ANKAR: variants seen among roughly 807,000 people sequenced by gnomAD.
The protein encoded by ANKAR is ankyrin and armadillo repeat-containing protein.
A neutral mutation model predicts 146.2 loss-of-function variants in ANKAR; 136 were observed. The ratio of observed to expected loss-of-function variants is 0.93; its 90% CI spans 0.81 to 1.07. The LOEUF is 1.07. ANKAR is among the 50% of genes least tolerant of loss of function. The pLI is 0.00. For synonymous variants in ANKAR, 500 were observed against 575.8 expected (o/e 0.87, Z 1.88); for missense variants, 1,567 against 1,679.9 (o/e 0.93, Z 1.18).
chr2:189,703,437 A>G (rs957659162), intron 7 of ANKAR, among the ~76,000 whole-genome samples: 2 of 152,154 alleles, frequency 1.3e-5, no homozygotes, highest in Non-Finnish European at 2.9e-5. Flanking sequence ...GGTCTGTACA[A>G]CTGGCTGGAT....
chr2:189,724,136 C>T (rs145477673), intron 12 of ANKAR, among the ~76,000 whole-genome samples: 269 of 152,242 alleles, frequency 1.8e-3, no homozygotes, highest in Middle Eastern at 3.4e-3. Context: ...TTATTCTTAA[C>T]ATTTCTGAGT....
chr2:189,702,741 A>G (rs1370866421), intron 7 of ANKAR, among the ~76,000 whole-genome samples: 1 of 152,230 alleles, frequency 6.6e-6, no homozygotes, highest in Non-Finnish European at 1.5e-5. Flanking sequence ...AGGCTATAAT[A>G]TCAAGCTCCC....
rs370733672 is a variant in ANKAR, at chr2:189,752,919, T to G, written c.*584+8131T>G. ...CACAACAAAGTGCACTGTGTTGCAT[T>G]TGTTAAAATTTCCAGAGCTCTGCGG... On this transcript the variant is annotated intron_variant and NMD_transcript_variant, in intron 18 of 18. Transcript: ENST00000441800. 2.4e-5 allele frequency: 38 copies of G among 1,613,450 alleles called. No individual in the cohort carries two copies. In the African/African-American group the frequency reaches 4.8e-4, roughly 20 times the overall value.
At chr2:189,688,889 G>A (rs564015694) in intron 2 of ANKAR, among the ~76,000 whole-genome samples, 205 of 152,284 alleles carry the variant, frequency 1.3e-3, no homozygotes, top group Middle Eastern at 3.4e-3. Flanking sequence ...GTGGTCAGTA[G>A]TCTTATGAGG....
At chr2:189,752,090 G>C (rs2045351443) in intron 18 of ANKAR, among the ~76,000 whole-genome samples, 1 of 151,772 alleles carries the variant, frequency 6.6e-6, no homozygotes, top group Non-Finnish European at 1.5e-5. Flanking sequence ...GTTGCAGTGA[G>C]CCGAGAATGC....
At chr2:189,708,792 AG>A (rs1198433508) in intron 9 of ANKAR, among the ~76,000 whole-genome samples, 1 of 152,202 alleles carries the variant, frequency 6.6e-6, no homozygotes, top group African/African-American at 2.4e-5. Flanking sequence ...CCTCCGTTTC[AG>A]GCATCCACTG....
chr2:189,690,865 T>C (rs537817969), intron 3 of ANKAR, among the ~76,000 whole-genome samples: 3 of 152,304 alleles, frequency 2.0e-5, no homozygotes, highest in South Asian at 4.1e-4. Flanking sequence ...ACTTAAACTA[T>C]GGGAAGCAAA....
At chr2:189,727,058 A>AT (rs912271167) in intron 12 of ANKAR, among the ~76,000 whole-genome samples, 5 of 152,216 alleles carry the variant, frequency 3.3e-5, no homozygotes, top group Non-Finnish European at 5.9e-5. Context: ...ATGAGACAGC[A>AT]TTTTTTCTAT....
In ANKAR at chr2:189,676,469, G is replaced by C; in HGVS notation, c.-22G>C. ...TATTCATTGCAGAAGCTTCAAAAAG[G>C]ACACACTAGATTTAATTAGAAATGT... On this transcript the variant is annotated 5_prime_UTR_variant, in exon 2 of 23. Transcript: ENST00000684021. The C allele has an allele frequency of 6.6e-7, 1 of 1,516,244 alleles. No individual in the cohort carries two copies. Among genetic ancestry groups the C allele is most frequent in the Non-Finnish European group, 8.8e-7 (1 of 1,134,166 alleles). 93.9% of individuals were successfully genotyped at this position (1,516,244 alleles called of 1,614,324 possible).
At chr2:189,728,626 A>C in intron 14 of ANKAR, 34 bp from the exon 15 acceptor site, 1 of 1,604,400 alleles carries the variant, frequency 6.2e-7, no homozygotes, top group Non-Finnish European at 8.5e-7. Context: ...AGGGCACTGG[A>C]GTATCATACA....
chr2:189,720,336 C>T (rs538096116), intron 11 of ANKAR, among the ~76,000 whole-genome samples: 2 of 152,132 alleles, frequency 1.3e-5, no homozygotes, highest in African/African-American at 4.8e-5. Context: ...CAACCTCTGC[C>T]TCGTGGGTTC....
chr2:189,705,286 G>C, intron 8 of ANKAR, 62 bp downstream of exon 8: 2 of 1,398,654 alleles, frequency 1.4e-6, no homozygotes, highest in Non-Finnish European at 9.8e-7. Flanking sequence ...AAAAAAAAAA[G>C]AAGAAAGAAA....
chr2:189,716,909 C>G (rs1247694783), intron 10 of ANKAR, among the ~76,000 whole-genome samples: 13 of 152,064 alleles, frequency 8.5e-5, no homozygotes, highest in Non-Finnish European at 1.0e-4. Flanking sequence ...GAAACTGGAT[C>G]CCTTCCTTAT....
At position 189,715,589 on chromosome 2, in the gene ANKAR, T is replaced by A. The variant is rs895289205; in HGVS notation, c.2225-3983T>A. On this transcript the variant is annotated intron_variant, in intron 10 of 22. Coordinates refer to ENST00000684021, the MANE Select transcript of ANKAR (RefSeq NM_001378068.1). ...AGGGAATCCTTCCTAACTCATTTTA[T>A]GAGGCCAGCATCATCCTGATACCAA... 9.2e-5 allele frequency among the ~76,000 whole-genome samples: 14 copies of A among 152,216 alleles called. 1 individual carries two copies. Among genetic ancestry groups the A allele is most frequent in the South Asian group, 2.1e-4 (1 of 4,830 alleles).
intron 10 of ANKAR, among the ~76,000 whole-genome samples, chr2:189,715,777 G>C (rs998366908): frequency 6.6e-5 from 10 of 152,162 alleles, no homozygotes; most frequent in African/African-American, 2.4e-4. Flanking sequence ...TGCAAGGCTG[G>C]TTCAACATAC....
At chr2:189,692,473 T>C in intron 4 of ANKAR, 55 bp downstream of exon 4, 1 of 1,512,160 alleles carries the variant, frequency 6.6e-7, no homozygotes, top group Non-Finnish European at 8.9e-7. Flanking sequence ...TTTATCCTAT[T>C]CTCCAACCAA....
intron 2 of ANKAR, among the ~76,000 whole-genome samples, chr2:189,687,531 C>T (rs1424687055): frequency 6.6e-6 from 1 of 152,058 alleles, no homozygotes; most frequent in African/African-American, 2.4e-5. Context: ...TTTTGAGAAA[C>T]CTCCAAACTG....
At chr2:189,694,898 TA>T in intron 5 of ANKAR, 82 bp from the exon 6 acceptor site, 1 of 856,554 alleles carries the variant, frequency 1.2e-6, no homozygotes, top group Non-Finnish European at 1.6e-6. Flanking sequence ...TACAGAAAAA[TA>T]AAAGTTTTGC....
chr2:189,758,045 G>C (rs1194169221), intron 18 of ANKAR, among the ~76,000 whole-genome samples: 1 of 152,130 alleles, frequency 6.6e-6, no homozygotes, highest in East Asian at 1.9e-4. Flanking sequence ...TTTCCCCTTG[G>C]TACTGTGTCG....
Sources: gnomAD v4.1 joint callset for allele counts (sites outside exome capture counted in the v4.1 genomes callset) on GRCh38, gnomAD v4.1.1 for gene constraint, MANE v1.5 for transcripts, NCBI Gene and HGNC (gene_info 2026-07-23, HGNC 2026-07-21) for gene names.